Variants in HHAT observed in about 807,000 individuals in gnomAD.
HHAT encodes protein-cysteine N-palmitoyltransferase HHAT.
A neutral mutation model predicts 70.8 loss-of-function variants in HHAT; 47 were observed. The ratio of observed to expected loss-of-function variants is 0.66; its 90% CI spans 0.53 to 0.85. The LOEUF (loss-of-function observed/expected upper bound fraction) is 0.85, where lower values mean the gene tolerates loss of function less well. HHAT is among the 40% of genes least tolerant of loss of function. The probability of loss-of-function intolerance (pLI) is 0.00; values close to 1 mark genes in which losing one functional copy is unlikely to be tolerated. For synonymous variants in HHAT, 228 were observed against 247.6 expected (o/e 0.92, Z 0.74); for missense variants, 609 against 604.8 (o/e 1.01, Z -0.07).
At chr1:210,397,530 G>A (rs1270983432) in intron 4 of HHAT, among the ~76,000 whole-genome samples, 1 of 149,832 alleles carries the variant, frequency 6.7e-6, no homozygotes, top group African/African-American at 2.5e-5. Context: ...AGTCAGAAGT[G>A]TTGTTTTGGA....
chr1:210,374,265 T>C (rs955679582), intron 3 of HHAT: 4 of 126,300 alleles, frequency 3.2e-5, no homozygotes, highest in South Asian at 2.3e-4. Flanking sequence ...GAGAAACCAG[T>C]GTAATGCTAC....
intron 11 of HHAT, among the ~76,000 whole-genome samples, chr1:210,654,172 AGAATAGTGTGATGGCG>A (rs1558364032): frequency 0.013 from 1 of 76 alleles, no homozygotes; most frequent in East Asian, 0.071. Context: ...GTGTGACAGC[AGAATAGTGTGATGGCG>A]GAATAGTGTG....
chr1:210,655,336 C>G (rs1676160202), intron 11 of HHAT, among the ~76,000 whole-genome samples: 1 of 152,188 alleles, frequency 6.6e-6, no homozygotes, highest in Non-Finnish European at 1.5e-5. Flanking sequence ...ACTGGCTTCT[C>G]CTCTGATCCA....
intron 9 of HHAT, among the ~76,000 whole-genome samples, chr1:210,545,103 C>T (rs1365838306): frequency 6.6e-6 from 1 of 151,990 alleles, no homozygotes; most frequent in African/African-American, 2.4e-5. Context: ...CCACACAATT[C>T]TGATCAAGGT....
chr1:210,492,775 T>C (rs982554580), intron 8 of HHAT, among the ~76,000 whole-genome samples: 4 of 152,150 alleles, frequency 2.6e-5, no homozygotes, highest in Admixed American at 2.6e-4. Flanking sequence ...AGGGATTTCA[T>C]TTTAGTAGCA....
At chr1:210,517,558 G>A (rs938716297) in intron 9 of HHAT, among the ~76,000 whole-genome samples, 6 of 152,132 alleles carry the variant, frequency 3.9e-5, no homozygotes, top group Non-Finnish European at 5.9e-5. Context: ...CTGGGAGTAG[G>A]GACTGAAGAA....
chr1:210,623,174 C>G (rs543735464), intron 10 of HHAT, among the ~76,000 whole-genome samples: 186 of 152,304 alleles, frequency 1.2e-3, no homozygotes, highest in African/African-American at 4.3e-3. Context: ...CGGGCTGAAG[C>G]AATCCTCCCA....
At chr1:210,625,830 G>T (rs1383138898) in intron 11 of HHAT, among the ~76,000 whole-genome samples, 2 of 152,176 alleles carry the variant, frequency 1.3e-5, no homozygotes, top group Non-Finnish European at 2.9e-5. Context: ...ATCATGGAGG[G>T]GAAGAGAACA....
intron 1 of HHAT, among the ~76,000 whole-genome samples, chr1:210,340,251 A>AGGGGG (rs1558310419): frequency 2.7e-5 from 4 of 147,886 alleles, no homozygotes; most frequent in African/African-American, 9.9e-5. Context: ...AGAAAAAAAA[A>AGGGGG]AAAAAAAAAA....
intron 10 of HHAT, among the ~76,000 whole-genome samples, chr1:210,616,998 C>G (rs747172362): frequency 3.9e-5 from 6 of 152,320 alleles, no homozygotes; most frequent in African/African-American, 7.2e-5. Flanking sequence ...CTACATTTAT[C>G]AAATGCCAAT....
At chr1:210,365,001 A>C (rs2088766710) in intron 3 of HHAT, among the ~76,000 whole-genome samples, 2 of 151,772 alleles carry the variant, frequency 1.3e-5, no homozygotes, top group Admixed American at 1.3e-4. Context: ...ACTTCTCATC[A>C]CCTTGCATGT....
intron 11 of HHAT, among the ~76,000 whole-genome samples, chr1:210,650,519 C>T (rs927362713): frequency 6.6e-6 from 1 of 152,090 alleles, no homozygotes; most frequent in Non-Finnish European, 1.5e-5. Flanking sequence ...GGTGCATTCT[C>T]GGGAGCATAG....
intron 6 of HHAT, among the ~76,000 whole-genome samples, chr1:210,407,633 C>G (rs2092384558): frequency 6.6e-6 from 1 of 152,208 alleles, no homozygotes; most frequent in South Asian, 2.1e-4. Context: ...AAATTTGCCT[C>G]TGTGCCTTAA....
chr1:210,577,528 C>G (rs1558198545), intron 9 of HHAT, among the ~76,000 whole-genome samples: 1 of 151,828 alleles, frequency 6.6e-6, no homozygotes, highest in Non-Finnish European at 1.5e-5. Flanking sequence ...AGGGGTAGAT[C>G]CCAGTTAAAC....
chr1:210,498,762 GT>G (rs67506355), intron 8 of HHAT, among the ~76,000 whole-genome samples: 70,469 of 143,462 alleles, frequency 0.49, 17,236 homozygotes, highest in African/African-American at 0.55. Context: ...CTTGCAGTCT[GT>G]TTTTTTTTTT....
chr1:210,480,543 C>G (rs2094379407), intron 8 of HHAT, among the ~76,000 whole-genome samples: 1 of 152,132 alleles, frequency 6.6e-6, no homozygotes, highest in Non-Finnish European at 1.5e-5. Flanking sequence ...GGCACAACAC[C>G]AGGGATTTTA....
chr1:210,405,000 A>G (rs978553828), intron 6 of HHAT, among the ~76,000 whole-genome samples: 1 of 152,180 alleles, frequency 6.6e-6, no homozygotes, highest in Non-Finnish European at 1.5e-5. Context: ...GTCCCAAGGA[A>G]AGAAAAAAAT....
intron 9 of HHAT, among the ~76,000 whole-genome samples, chr1:210,567,908 G>C (rs771020591): frequency 9.9e-5 from 15 of 152,188 alleles, no homozygotes; most frequent in Non-Finnish European, 1.5e-5. Flanking sequence ...ATATATATTT[G>C]ATCTTCCTCC....
chr1:210,602,219 C>T (rs1664441919), intron 10 of HHAT, among the ~76,000 whole-genome samples: 1 of 152,076 alleles, frequency 6.6e-6, no homozygotes, highest in Non-Finnish European at 1.5e-5. Flanking sequence ...GAGTTCATCC[C>T]TGCCCACTAG....
Sources: gnomAD v4.1 joint callset for allele counts (sites outside exome capture counted in the v4.1 genomes callset) on GRCh38, gnomAD v4.1.1 for gene constraint, MANE v1.5 for transcripts, NCBI Gene and HGNC (gene_info 2026-07-23, HGNC 2026-07-21) for gene names.